CRIM1: variants seen among roughly 807,000 people sequenced by gnomAD.
The protein encoded by CRIM1 is cysteine-rich motor neuron 1 protein.
CRIM1 carries 32 observed loss-of-function variants against 116.4 expected under a neutral mutation model. The ratio of observed to expected loss-of-function variants is 0.27; its 90% CI spans 0.21 to 0.37. The LOEUF (loss-of-function observed/expected upper bound fraction) is 0.37, where lower values mean the gene tolerates loss of function less well. Ranked by LOEUF, CRIM1 falls within the 10% of genes least tolerant of loss-of-function variation. The pLI is 1.00. For synonymous variants in CRIM1, 590 were observed against 509.2 expected, an observed-to-expected ratio of 1.16 and a Z score of -2.13; for missense variants, 1,331 against 1,354.8, an observed-to-expected ratio of 0.98 and a Z score of 0.28.
chr2:36,425,010 C>T (rs373284123), intron 2 of CRIM1, among the ~76,000 whole-genome samples: 1 of 152,106 alleles, frequency 6.6e-6, no homozygotes, highest in East Asian at 1.9e-4. Context: ...CACGGAAGCC[C>T]ATTGAGATGA....
intron 5 of CRIM1, among the ~76,000 whole-genome samples, chr2:36,471,363 AG>A (rs1216961839): frequency 6.6e-6 from 1 of 152,212 alleles, no homozygotes; most frequent in Non-Finnish European, 1.5e-5. Flanking sequence ...CTTTCATGAA[AG>A]GAAGAGTTAG....
At chr2:36,364,087 TG>T (rs1002105602) in intron 1 of CRIM1, among the ~76,000 whole-genome samples, 1 of 152,138 alleles carries the variant, frequency 6.6e-6, no homozygotes, top group Non-Finnish European at 1.5e-5. Flanking sequence ...AGGTTCGCTG[TG>T]GGGGTTAAGT....
At chr2:36,483,043 A>C (rs1224316089) in intron 7 of CRIM1, among the ~76,000 whole-genome samples, 1 of 152,166 alleles carries the variant, frequency 6.6e-6, no homozygotes, top group East Asian at 1.9e-4. Flanking sequence ...GCACTTAAGT[A>C]CTCTCATGAT....
intron 14 of CRIM1, among the ~76,000 whole-genome samples, chr2:36,542,145 A>C (rs1666988077): frequency 6.6e-6 from 1 of 152,118 alleles, no homozygotes; most frequent in Admixed American, 6.5e-5. Flanking sequence ...GAGCTAATAC[A>C]CAGGACAGGT....
At chr2:36,384,828 A>T (rs922313601) in intron 1 of CRIM1, among the ~76,000 whole-genome samples, 22 of 152,212 alleles carry the variant, frequency 1.4e-4, no homozygotes, top group African/African-American at 5.3e-4. Context: ...TGTGATTCTC[A>T]TTTCCAGTTT....
At chr2:36,375,376 G>A (rs1670247812) in intron 1 of CRIM1, among the ~76,000 whole-genome samples, 1 of 152,098 alleles carries the variant, frequency 6.6e-6, no homozygotes, top group African/African-American at 2.4e-5. Flanking sequence ...TATTCAGAAG[G>A]TATATAGCAC....
chr2:36,372,894 G>A (rs1389230843), intron 1 of CRIM1, among the ~76,000 whole-genome samples: 1 of 152,158 alleles, frequency 6.6e-6, no homozygotes, highest in Non-Finnish European at 1.5e-5. Context: ...TGTCCATAAT[G>A]AACAGTGGCA....
chr2:36,419,227 T>C (rs1459572368), intron 2 of CRIM1, among the ~76,000 whole-genome samples: 2 of 152,206 alleles, frequency 1.3e-5, no homozygotes, highest in African/African-American at 4.8e-5. Context: ...GACAACATGG[T>C]AATTTGGTTG....
chr2:36,441,892 A>G (rs1474025126), intron 3 of CRIM1, among the ~76,000 whole-genome samples: 3 of 152,208 alleles, frequency 2.0e-5, no homozygotes, highest in East Asian at 3.9e-4. Context: ...AACAATCATC[A>G]TACGTAAAAC....
intron 1 of CRIM1, among the ~76,000 whole-genome samples, chr2:36,361,137 T>G (rs1434957335): frequency 6.6e-6 from 1 of 152,202 alleles, no homozygotes. Context: ...GCTTATAGAA[T>G]CTTCCCTGTT....
chr2:36,504,249 C>T (rs767225399), intron 8 of CRIM1, among the ~76,000 whole-genome samples: 4 of 152,130 alleles, frequency 2.6e-5, no homozygotes, highest in Non-Finnish European at 5.9e-5. Context: ...GTTCTTCATT[C>T]ACTCATTATT....
intron 2 of CRIM1, among the ~76,000 whole-genome samples, chr2:36,402,862 A>C (rs1334184613): frequency 1.3e-5 from 2 of 152,048 alleles, no homozygotes; most frequent in East Asian, 3.8e-4. Flanking sequence ...GACCAGATTT[A>C]GGAAGGACCC....
Position 36,396,777 on chromosome 2 carries a change from G to A in CRIM1, c.495G>A (p.Lys165=). The stretch of plus-strand genomic sequence containing the variant: ...AGGATATGTGCCTTTCAGCTTTAAA[G>A]AGAATTGAAGGTAAGCATTAATTTT... ...PSQDMCLSAL[K]RIEEEKPDCS... The change falls in exon 2 of 17, where the codon AAG becomes AAA. Residue 165 remains lysine, a synonymous_variant. Transcript: ENST00000280527. 6.2e-7 allele frequency: 1 copy of A among 1,609,384 alleles called. No individual in the cohort carries two copies. The highest frequency in any genetic ancestry group is 8.5e-7 in the Non-Finnish European group (1 of 1,176,296).
intron 2 of CRIM1, among the ~76,000 whole-genome samples, chr2:36,412,162 G>C (rs1209300319): frequency 2.6e-5 from 4 of 152,044 alleles, no homozygotes; most frequent in Admixed American, 2.6e-4. Context: ...ATGTCCACTA[G>C]TAACTGTGAT....
intron 7 of CRIM1, among the ~76,000 whole-genome samples, chr2:36,496,976 G>T (rs1680644632): frequency 6.6e-6 from 1 of 152,158 alleles, no homozygotes; most frequent in Non-Finnish European, 1.5e-5. Flanking sequence ...GTAAAAGTTG[G>T]ACGATGGATT....
At chr2:36,463,666 G>T (rs1677761788) in intron 4 of CRIM1, among the ~76,000 whole-genome samples, 1 of 152,056 alleles carries the variant, frequency 6.6e-6, no homozygotes, top group South Asian at 2.1e-4. Context: ...CTCTTTCATT[G>T]TAGCAGATGC....
chr2:36,512,444 A>C, intron 10 of CRIM1, 50 bp downstream of exon 10: 1 of 1,565,098 alleles, frequency 6.4e-7, no homozygotes, highest in Non-Finnish European at 8.7e-7. Flanking sequence ...AGGGGCACCG[A>C]AACAAGGAAC....
At chr2:36,393,750 G>A (rs1419374202) in intron 1 of CRIM1, among the ~76,000 whole-genome samples, 1 of 152,172 alleles carries the variant, frequency 6.6e-6, no homozygotes, top group Non-Finnish European at 1.5e-5. Context: ...GGTATTCCAG[G>A]TGGACGACAC....
chr2:36,516,278 C>A (rs1374361085), intron 11 of CRIM1, among the ~76,000 whole-genome samples: 1 of 152,094 alleles, frequency 6.6e-6, no homozygotes, highest in Non-Finnish European at 1.5e-5. Flanking sequence ...CATTCTGGGG[C>A]GTGACTTCCA....
Sources: allele counts gnomAD v4.1 joint callset (sites outside exome capture counted in the v4.1 genomes callset), GRCh38; gene constraint gnomAD v4.1.1; transcripts MANE v1.5; gene names NCBI Gene and HGNC (gene_info 2026-07-23, HGNC 2026-07-21).